The following MYO3B variants were observed in gnomAD, a reference collection of about 807,000 sequenced individuals.
The protein encoded by MYO3B is myosin-IIIb.
MYO3B carries 156 observed loss-of-function variants against 174.6 expected under a neutral mutation model. The ratio of observed to expected loss-of-function variants is 0.89; its 90% confidence interval spans 0.78 to 1.02. MYO3B has a LOEUF of 1.02. MYO3B is among the 50% of genes least tolerant of loss of function. The pLI is 0.00. For synonymous variants in MYO3B, 563 were observed against 569.1 expected (o/e 0.99, Z 0.15); for missense variants, 1,632 against 1,639.4 (o/e 1.00, Z 0.08).
At chr2:170,373,503 C>A (rs11690118) in intron 9 of MYO3B, among the ~76,000 whole-genome samples, 2 of 151,984 alleles carry the variant, frequency 1.3e-5, no homozygotes, top group Admixed American at 6.6e-5. Context: ...AGGTAAGGAA[C>A]GTTCAGTCCA....
chr2:170,283,623 G>C (rs562075885), intron 7 of MYO3B, among the ~76,000 whole-genome samples: 150 of 152,186 alleles, frequency 9.9e-4, no homozygotes, highest in Admixed American at 1.9e-3. Context: ...CATACAGACT[G>C]GCTAATTCCT....
chr2:170,338,435 C>G (rs1237349403), intron 8 of MYO3B, among the ~76,000 whole-genome samples: 1 of 152,090 alleles, frequency 6.6e-6, no homozygotes, highest in African/African-American at 2.4e-5. Flanking sequence ...TAGATTCCTT[C>G]TTGACCTCAG....
intron 32 of MYO3B, among the ~76,000 whole-genome samples, chr2:170,630,813 A>T (rs993991244): frequency 6.6e-6 from 1 of 152,202 alleles, no homozygotes; most frequent in Non-Finnish European, 1.5e-5. Context: ...CAACTGAGGG[A>T]CCTGACTGTT....
At chr2:170,448,014 C>A (rs1182392689) in intron 23 of MYO3B, among the ~76,000 whole-genome samples, 1 of 152,172 alleles carries the variant, frequency 6.6e-6, no homozygotes, top group Non-Finnish European at 1.5e-5. Context: ...GATCTTAGGT[C>A]TTACAATACT....
chr2:170,400,431 A>C (rs941275145), intron 17 of MYO3B, 117 bp downstream of exon 17: 1 of 1,210,938 alleles, frequency 8.3e-7, no homozygotes, highest in African/African-American at 1.7e-5. Flanking sequence ...ATCGAGATGG[A>C]GTCTCACTCT....
intron 32 of MYO3B, among the ~76,000 whole-genome samples, chr2:170,598,514 C>A (rs1379551190): frequency 6.6e-6 from 1 of 152,224 alleles, no homozygotes; most frequent in Non-Finnish European, 1.5e-5. Flanking sequence ...CTTAGTCTGA[C>A]ACTTCATGGC....
intron 32 of MYO3B, among the ~76,000 whole-genome samples, chr2:170,644,317 A>G (rs1395213150): frequency 6.7e-6 from 1 of 150,218 alleles, no homozygotes; most frequent in East Asian, 1.9e-4. Flanking sequence ...ATGAAGTCTC[A>G]CTCTTGTCAC....
chr2:170,435,084 G>C lies in MYO3B; in HGVS notation c.2651-8883G>C, dbSNP rs148346862. ...GTTAATTACTGCAAGTATTGCACTA[G>C]CGTAGGTCTGTCTCAAGCTTGCTCC... On this transcript the variant is annotated intron_variant, in intron 22 of 34. Coordinates refer to ENST00000408978, the MANE Select transcript of MYO3B (RefSeq NM_138995.5). Among the ~76,000 whole-genome samples the C allele has an allele frequency of 4.3e-3, 650 of 152,304 alleles. 3 individuals carry two copies. The highest frequency in any genetic ancestry group is 0.015 in the African/African-American group (629 of 41,564).
At chr2:170,448,468 T>A (rs563732114) in intron 23 of MYO3B, among the ~76,000 whole-genome samples, 1 of 152,336 alleles carries the variant, frequency 6.6e-6, no homozygotes, top group South Asian at 2.1e-4. Flanking sequence ...GGGGGCATAG[T>A]GGGGTTAGGT....
chr2:170,446,418 C>T (rs2094842862), intron 23 of MYO3B, among the ~76,000 whole-genome samples: 1 of 152,112 alleles, frequency 6.6e-6, no homozygotes, highest in Non-Finnish European at 1.5e-5. Flanking sequence ...AAAGTGTTGC[C>T]TCCCTCCCTG....
chr2:170,584,362 A>G (rs1017605455), intron 32 of MYO3B, among the ~76,000 whole-genome samples: 7 of 152,040 alleles, frequency 4.6e-5, no homozygotes, highest in Admixed American at 4.6e-4. Context: ...CACCATTTTT[A>G]TAAAGTATTT....
At chr2:170,592,996 G>C (rs898974921) in intron 32 of MYO3B, among the ~76,000 whole-genome samples, 1 of 151,970 alleles carries the variant, frequency 6.6e-6, no homozygotes, top group Non-Finnish European at 1.5e-5. Context: ...TAGGTAGATA[G>C]ATAGATGGAT....
At chr2:170,221,781 G>A (rs1490686914) in intron 6 of MYO3B, among the ~76,000 whole-genome samples, 2 of 152,116 alleles carry the variant, frequency 1.3e-5, no homozygotes, top group African/African-American at 2.4e-5. Context: ...TGCCCAGGCT[G>A]GTCTCCAACT....
chr2:170,568,021 T>A lies in MYO3B; in HGVS notation c.3733+24033T>A, dbSNP rs950985610. Among the ~76,000 whole-genome samples the A allele has an allele frequency of 2.0e-5, 3 of 152,192 alleles. No individual in the cohort carries two copies. The South Asian group carries it at 6.2e-4, about 32-fold the overall frequency. ...ATGTGTTATGGTTGTGCCAAGATAT[T>A]GATACCCTCAGCTTTCAAAGCAGCC... is the stretch of plus-strand genomic sequence containing the variant. On this transcript the variant is annotated intron_variant, in intron 32 of 34. Transcript: ENST00000408978.
intron 7 of MYO3B, among the ~76,000 whole-genome samples, chr2:170,273,256 A>G (rs1416551732): frequency 2.0e-5 from 3 of 152,138 alleles, no homozygotes; most frequent in African/African-American, 7.2e-5. Flanking sequence ...GATAATTAAA[A>G]GTGATTTAGC....
rs187147184 is a variant in MYO3B at position 170,596,979 on chromosome 2, G to T, written c.3733+52991G>T. On this transcript the variant is annotated intron_variant, in intron 32 of 34. Coordinates refer to ENST00000408978, the MANE Select transcript of MYO3B (RefSeq NM_138995.5). ...TCTGCTTAGGCGGGAAAATATGGCT[G>T]GGGTGGGGAATCTCCGTTTCAGGGA... Among the ~76,000 whole-genome samples, 334 of 152,226 alleles carry T rather than the reference G, an allele frequency of 2.2e-3. 1 individual carries two copies. The highest frequency in any genetic ancestry group is 7.5e-3 in the African/African-American group (312 of 41,552).
At chr2:170,328,192 A>C (rs2093883325) in intron 7 of MYO3B, among the ~76,000 whole-genome samples, 1 of 152,062 alleles carries the variant, frequency 6.6e-6, no homozygotes, top group Non-Finnish European at 1.5e-5. Context: ...ATGAACCACC[A>C]CACTGGCCAC....
chr2:170,178,431 T>A, intron 1 of MYO3B, 142 bp downstream of exon 1: 3 of 1,050,254 alleles, frequency 2.9e-6, no homozygotes, highest in Non-Finnish European at 4.5e-6. Context: ...CTGTCTGACA[T>A]CACCCAGATT....
chr2:170,249,671 G>C (rs538546025), intron 7 of MYO3B, among the ~76,000 whole-genome samples: 21 of 152,296 alleles, frequency 1.4e-4, no homozygotes, highest in African/African-American at 5.0e-4. Flanking sequence ...CCAAATGTTG[G>C]ACAGTCCTGT....
Sources: allele counts gnomAD v4.1 joint callset (sites outside exome capture counted in the v4.1 genomes callset), GRCh38; gene constraint gnomAD v4.1.1; transcripts MANE v1.5; gene names NCBI Gene and HGNC (gene_info 2026-07-23, HGNC 2026-07-21).